Variants in SOX5 observed in about 807,000 individuals in gnomAD.
SOX5 encodes SRY-box transcription factor 5.
SOX5 carries 9 observed loss-of-function variants against 92.0 expected under a neutral mutation model. The observed-to-expected ratio is 0.10, with a 90% CI of 0.06 to 0.17. SOX5 has a LOEUF of 0.17. Ranked by LOEUF, SOX5 falls within the 10% of genes least tolerant of loss-of-function variation. The pLI is 1.00. For synonymous variants in SOX5, 344 were observed against 336.3 expected (o/e 1.02, Z -0.25); for missense variants, 642 against 944.5 (o/e 0.68, Z 4.20).
intron 2 of SOX5, among the ~76,000 whole-genome samples, chr12:24,350,066 A>G (rs1308739791): frequency 6.6e-6 from 1 of 152,240 alleles, no homozygotes; most frequent in Non-Finnish European, 1.5e-5. Flanking sequence ...ACCAATCTAA[A>G]AGATGGAACA....
intron 2 of SOX5, among the ~76,000 whole-genome samples, chr12:24,321,588 CA>C (rs1318727411): frequency 3.9e-5 from 6 of 152,168 alleles, no homozygotes; most frequent in Non-Finnish European, 7.4e-5. Context: ...ATTTCATATT[CA>C]TACTAGAGAC....
chr12:24,319,245 T>C (rs1272685230), intron 2 of SOX5, among the ~76,000 whole-genome samples: 1 of 152,202 alleles, frequency 6.6e-6, no homozygotes, highest in Non-Finnish European at 1.5e-5. Context: ...GCACTAAGCA[T>C]GCTCATTCAC....
chr12:24,252,454 C>T (rs1456570290), intron 3 of SOX5, among the ~76,000 whole-genome samples: 4 of 151,466 alleles, frequency 2.6e-5, no homozygotes, highest in African/African-American at 9.7e-5. Flanking sequence ...AAAAGATTCG[C>T]TTTGGTGAAT....
At chr12:23,564,455 G>A (rs1001969693) in intron 10 of SOX5, among the ~76,000 whole-genome samples, 1 of 152,116 alleles carries the variant, frequency 6.6e-6, no homozygotes, top group African/African-American at 2.4e-5. Flanking sequence ...TTTGTGACAC[G>A]AGGCTAAATC....
At chr12:23,658,203 A>C (rs1252725104) in intron 7 of SOX5, among the ~76,000 whole-genome samples, 1 of 152,232 alleles carries the variant, frequency 6.6e-6, no homozygotes, top group Admixed American at 6.5e-5. Context: ...TGATTGCCAC[A>C]ACAAAGACAT....
chr12:24,190,131 T>C (rs966787478), intron 4 of SOX5, among the ~76,000 whole-genome samples: 3 of 152,182 alleles, frequency 2.0e-5, no homozygotes, highest in African/African-American at 7.2e-5. Flanking sequence ...TTATAGAATA[T>C]AGTAACCAAA....
At chr12:24,514,469 A>G (rs1293018277) in intron 1 of SOX5, among the ~76,000 whole-genome samples, 1 of 152,174 alleles carries the variant, frequency 6.6e-6, no homozygotes, top group Non-Finnish European at 1.5e-5. Flanking sequence ...TTACCCATAT[A>G]TGTTATCATT....
At chr12:23,652,554 C>T (rs1362759269) in intron 7 of SOX5, among the ~76,000 whole-genome samples, 1 of 149,986 alleles carries the variant, frequency 6.7e-6, no homozygotes, top group African/African-American at 2.5e-5. Flanking sequence ...CCTAGCTGTC[C>T]CACAATAAGC....
At chr12:23,565,025 T>A (rs1185944423) in intron 10 of SOX5, among the ~76,000 whole-genome samples, 2 of 152,162 alleles carry the variant, frequency 1.3e-5, no homozygotes, top group African/African-American at 2.4e-5. Context: ...GAAAGAAAAG[T>A]TCCAGTGTAG....
intron 1 of SOX5, among the ~76,000 whole-genome samples, chr12:23,939,699 G>A (rs916944318): frequency 2.0e-5 from 3 of 150,260 alleles, no homozygotes; most frequent in South Asian, 2.1e-4. Context: ...AACAGCATGC[G>A]ACCTGCCAAA....
In SOX5 at chr12:23,531,865, T is replaced by C. The variant is rs1565550860; in HGVS notation, c.*2354A>G. The stretch of plus-strand genomic sequence containing the variant: ...CCAAAATTCTTAAAAAAGAGAAAAC[T>C]TACGGAAAGAGAAGTAAAATTGTGG... On this transcript the variant is annotated 3_prime_UTR_variant, in exon 15 of 15. Transcript: ENST00000451604. 1 of 151,140 alleles carries C rather than the reference T, an allele frequency of 6.6e-6. No individual in the cohort carries two copies. Among genetic ancestry groups the C allele is most frequent in the African/African-American group, 2.4e-5 (1 of 41,134 alleles). 9.4% of individuals were successfully genotyped at this position (151,140 alleles called of 1,614,324 possible). A position where few individuals can be genotyped will look rare whatever the true frequency, so the allele number is the denominator to read the frequency against.
intron 11 of SOX5, among the ~76,000 whole-genome samples, chr12:23,556,965 C>A (rs780656339): frequency 6.6e-5 from 10 of 152,214 alleles, no homozygotes; most frequent in Non-Finnish European, 1.2e-4. Context: ...TACAGGGCTG[C>A]CATCCGATAC....
rs570995170 is a variant in SOX5, at chr12:23,786,646, G to T, written c.482-30922C>A. 3.4e-4 allele frequency among the ~76,000 whole-genome samples: 38 copies of T among 110,376 alleles called. 8 individuals carry two copies. The highest frequency in any genetic ancestry group is 1.3e-3 in the African/African-American group (38 of 29,292). 72.4% of individuals were successfully genotyped at this position (110,376 alleles called of 152,430 possible). A position where few individuals can be genotyped will look rare whatever the true frequency, so the allele number is the denominator to read the frequency against. On this transcript the variant is annotated intron_variant, in intron 3 of 14. Transcript: ENST00000451604. ...ACGTATTATTTTTCTAGAAGAAATT[G>T]TAACAATAGCGTAGGTATGCAACTA...
chr12:23,894,532 C>T (rs1202694711), intron 2 of SOX5, among the ~76,000 whole-genome samples: 1 of 152,112 alleles, frequency 6.6e-6, no homozygotes, highest in East Asian at 1.9e-4. Flanking sequence ...CGACCTAAAA[C>T]ATTATTCTTG....
At chr12:23,679,147 A>C (rs1220327285) in intron 6 of SOX5, among the ~76,000 whole-genome samples, 2 of 152,142 alleles carry the variant, frequency 1.3e-5, no homozygotes, top group Non-Finnish European at 2.9e-5. Context: ...AGAAAGTTGG[A>C]GGTAGGAGAA....
At chr12:23,657,564 G>A (rs2082470757) in intron 7 of SOX5, among the ~76,000 whole-genome samples, 2 of 152,050 alleles carry the variant, frequency 1.3e-5, no homozygotes, top group Admixed American at 6.6e-5. Context: ...GATTTCCGTT[G>A]TATTGTATCA....
At position 24,327,370 on chromosome 12, in the gene SOX5, C is replaced by T. The variant is rs1039598901; in HGVS notation, c.-174+41193G>A. Among the ~76,000 whole-genome samples, 5 of 130,910 alleles carry T rather than the reference C, an allele frequency of 3.8e-5. No homozygotes were observed. In the South Asian group the frequency reaches 1.3e-3, roughly 34 times the overall value. The allele number at this position is 130,910 out of a possible 152,430, so 85.9% of individuals were successfully genotyped here. On this transcript the variant is annotated intron_variant, in intron 2 of 4. Coordinates refer to the SOX5 transcript ENST00000446891. Reference sequence around the variant, plus strand: ...GGTGCACAGAAGCAGAAATGAAGGGCTAGAGCAATGGAGACTTTTTTTTTT... The same window carrying T: ...GGTGCACAGAAGCAGAAATGAAGGGTTAGAGCAATGGAGACTTTTTTTTTT...
intron 2 of SOX5, among the ~76,000 whole-genome samples, chr12:23,852,180 C>T (rs2096640587): frequency 1.3e-5 from 2 of 152,096 alleles, no homozygotes; most frequent in South Asian, 2.1e-4. Flanking sequence ...GCATCTGCAA[C>T]CTTTTTTCTC....
chr12:23,994,725 T>C (rs530321137), intron 4 of SOX5, among the ~76,000 whole-genome samples: 80 of 152,136 alleles, frequency 5.3e-4, no homozygotes, highest in African/African-American at 1.8e-3. Flanking sequence ...AATAAAACTA[T>C]TTTTCCTGAT....
Sources: gnomAD v4.1 joint callset for allele counts (sites outside exome capture counted in the v4.1 genomes callset) on GRCh38, gnomAD v4.1.1 for gene constraint, MANE v1.5 for transcripts, NCBI Gene and HGNC (gene_info 2026-07-23, HGNC 2026-07-21) for gene names.